TSHR: variants seen among roughly 807,000 people sequenced by gnomAD.
TSHR encodes thyrotropin receptor.
A neutral mutation model predicts 64.1 loss-of-function variants in TSHR; 51 were observed. The ratio of observed to expected loss-of-function variants is 0.80; its 90% CI spans 0.64 to 1.01. The LOEUF is 1.01. TSHR is among the 50% of genes least tolerant of loss of function. The pLI is 0.00. For synonymous variants in TSHR, 361 were observed against 361.9 expected (o/e 1.00, Z 0.03); for missense variants, 877 against 942.8 (o/e 0.93, Z 0.91).
chr14:81,056,047 G>GA (rs1885773581), intron 1 of TSHR, among the ~76,000 whole-genome samples: 2 of 152,054 alleles, frequency 1.3e-5, no homozygotes, highest in African/African-American at 4.8e-5. Context: ...TCAGTGGGAG[G>GA]AAATTGAATC....
chr14:81,133,458 A>T (rs997928768), intron 8 of TSHR, among the ~76,000 whole-genome samples: 4 of 152,190 alleles, frequency 2.6e-5, no homozygotes, highest in African/African-American at 9.6e-5. Context: ...ATGTGGTAAG[A>T]GTAAGACATG....
chr14:81,143,991 C>T lies in TSHR; in HGVS notation c.1933C>T (p.Leu645=), dbSNP rs940533708. ...CATGGCCCCAATCTCATTCTATGCT[C>T]TGTCAGCAATTCTGAACAAGCCTCT... ...ICMAPISFYA[L]SAILNKPLIT... Residue 645 remains leucine (L), a synonymous_variant, in exon 10 of 10, where the codon CTG becomes TTG. Coordinates refer to ENST00000298171, the MANE Select transcript of TSHR (RefSeq NM_000369.5). 2 of 1,614,100 alleles carry T rather than the reference C, an allele frequency of 1.2e-6. No homozygotes were observed. The highest frequency in any genetic ancestry group is 1.7e-6 in the Non-Finnish European group (2 of 1,180,050).
At chr14:81,078,386 G>T (rs1009944567) in intron 3 of TSHR, among the ~76,000 whole-genome samples, 1 of 152,014 alleles carries the variant, frequency 6.6e-6, no homozygotes, top group Non-Finnish European at 1.5e-5. Flanking sequence ...AGTCGTATCC[G>T]TGTTATTATT....
chr14:81,026,802 G>T (rs1048816989), intron 1 of TSHR, among the ~76,000 whole-genome samples: 2 of 152,160 alleles, frequency 1.3e-5, no homozygotes, highest in African/African-American at 4.8e-5. Context: ...TTGGAAGGTA[G>T]AGGCAGGCAG....
At chr14:81,138,251 C>T (rs1169995006) in intron 8 of TSHR, among the ~76,000 whole-genome samples, 4 of 141,698 alleles carry the variant, frequency 2.8e-5, no homozygotes, top group African/African-American at 5.4e-5. Flanking sequence ...AGTACAATGG[C>T]GTGGTCTCAG....
At chr14:81,122,969 A>G (rs1208024591) in intron 8 of TSHR, among the ~76,000 whole-genome samples, 1 of 152,122 alleles carries the variant, frequency 6.6e-6, no homozygotes, top group Non-Finnish European at 1.5e-5. Flanking sequence ...CTACTGAAAA[A>G]TACAAAAATT....
Position 81,044,965 on chromosome 14 carries a change from C to T in TSHR, c.171-17183C>T, listed in dbSNP as rs553735980. On this transcript the variant is annotated intron_variant, in intron 1 of 9. Coordinates refer to ENST00000298171, the MANE Select transcript of TSHR (RefSeq NM_000369.5). ...ATGCACACATATATTCACTACAGCA[C>T]TATTCACAATAGCAAAGACGTAGAA... is the stretch of plus-strand genomic sequence containing the variant. 2.0e-5 allele frequency among the ~76,000 whole-genome samples: 3 copies of T among 152,260 alleles called. No homozygotes were observed. The East Asian group carries it at 5.8e-4, about 29-fold the overall frequency.
intron 1 of TSHR, among the ~76,000 whole-genome samples, chr14:80,985,727 T>C (rs1888411956): frequency 6.6e-6 from 1 of 152,232 alleles, no homozygotes; most frequent in African/African-American, 2.4e-5. Flanking sequence ...TAAATATGTA[T>C]GGAACTTGCT....
At chr14:81,068,058 A>C (rs539580898) in intron 2 of TSHR, among the ~76,000 whole-genome samples, 196 bp from the exon 3 acceptor site, 10 of 150,884 alleles carry the variant, frequency 6.6e-5, no homozygotes, top group African/African-American at 2.4e-4. Context: ...GTTAATATAC[A>C]GGAGGAATTC....
chr14:81,127,472 C>A (rs532315394), intron 8 of TSHR, among the ~76,000 whole-genome samples: 1 of 152,098 alleles, frequency 6.6e-6, no homozygotes, highest in Admixed American at 6.5e-5. Flanking sequence ...GGAGGGGATT[C>A]AACATTGAGG....
Position 81,088,437 on chromosome 14 carries a change from G to GAGGGAAAACAGA in TSHR, c.392+415_392+426dup, listed in dbSNP as rs1200091089. ...GTAAAATACACTTCCATGGGGAGTG[G>GAGGGAAAACAGA]AGGGAAAACAGAAGGGACAACAGTT... On this transcript the variant is annotated intron_variant, in intron 4 of 9. Transcript: ENST00000298171. 1.6e-4 allele frequency among the ~76,000 whole-genome samples: 24 copies of GAGGGAAAACAGA among 152,266 alleles called. No homozygotes were observed. In the East Asian group the frequency reaches 4.4e-3, roughly 28 times the overall value.
chr14:81,083,137 A>G (rs1294304187), intron 3 of TSHR, among the ~76,000 whole-genome samples: 6 of 152,096 alleles, frequency 3.9e-5, no homozygotes, highest in Non-Finnish European at 1.5e-5. Flanking sequence ...GATTTCCCAT[A>G]TACTCTTTGA....
At chr14:81,101,808 A>C (rs1327735569) in intron 7 of TSHR, among the ~76,000 whole-genome samples, 1 of 152,150 alleles carries the variant, frequency 6.6e-6, no homozygotes, top group Non-Finnish European at 1.5e-5. Flanking sequence ...GAAAACCCAC[A>C]CAGACATGGG....
chr14:81,060,157 A>G (rs1595024440), intron 1 of TSHR, among the ~76,000 whole-genome samples: 1 of 152,296 alleles, frequency 6.6e-6, no homozygotes, highest in African/African-American at 2.4e-5. Flanking sequence ...GTTTAGTCCC[A>G]TATTACCTAC....
chr14:81,001,152 T>G (rs1227970998), intron 1 of TSHR: 1 of 173,830 alleles, frequency 5.8e-6, no homozygotes, highest in African/African-American at 2.4e-5. Context: ...ATTTATTTTA[T>G]GCTGAATTTA....
chr14:80,995,439 A>G (rs2139748336), intron 1 of TSHR: 1 of 152,324 alleles, frequency 6.6e-6, no homozygotes, highest in South Asian at 2.1e-4. Flanking sequence ...AATGTCCATC[A>G]GTGATAGACT....
At chr14:80,974,129 C>A (rs865950528) in intron 1 of TSHR, among the ~76,000 whole-genome samples, 1 of 152,138 alleles carries the variant, frequency 6.6e-6, no homozygotes, top group Non-Finnish European at 1.5e-5. Flanking sequence ...ATTACTAATG[C>A]GGTGGTAGGT....
chr14:81,085,426 G>A (rs886273974), intron 3 of TSHR, among the ~76,000 whole-genome samples: 1 of 152,166 alleles, frequency 6.6e-6, no homozygotes, highest in Non-Finnish European at 1.5e-5. Flanking sequence ...CTGTTTTCTT[G>A]TGGGGTCTCT....
chr14:81,037,773 C>T (rs1264000974), intron 1 of TSHR, among the ~76,000 whole-genome samples: 1 of 151,884 alleles, frequency 6.6e-6, no homozygotes, highest in Non-Finnish European at 1.5e-5. Context: ...CAATTAGCAA[C>T]CAATTAAAAC....
Sources: gnomAD v4.1 joint callset for allele counts (sites outside exome capture counted in the v4.1 genomes callset) on GRCh38, gnomAD v4.1.1 for gene constraint, MANE v1.5 for transcripts, NCBI Gene and HGNC (gene_info 2026-07-23, HGNC 2026-07-21) for gene names.